Variants in MLLT10 observed in about 807,000 individuals in gnomAD.
MLLT10 encodes protein AF-10.
Under a neutral mutation model 129.1 loss-of-function variants are expected in MLLT10, and 30 were observed. The ratio of observed to expected loss-of-function variants is 0.23; its 90% CI spans 0.17 to 0.32. The LOEUF (loss-of-function observed/expected upper bound fraction) is 0.32, where lower values mean the gene tolerates loss of function less well. Ranked by LOEUF, MLLT10 falls within the 10% of genes least tolerant of loss-of-function variation. The pLI is 1.00. For synonymous variants in MLLT10, 490 were observed against 446.4 expected, an observed-to-expected ratio of 1.10 and a Z score of -1.23; for missense variants, 1,119 against 1,268.3, an observed-to-expected ratio of 0.88 and a Z score of 1.79.
At chr10:21,593,958 A>AAT in intron 4 of MLLT10, among the ~76,000 whole-genome samples, 1 of 142,816 alleles carries the variant, frequency 7.0e-6, no homozygotes, top group East Asian at 2.2e-4. Flanking sequence ...AAAAAAAAAA[A>AAT]GGTGGAAATT....
At chr10:21,680,529 TAGTG>T (rs1362297394) in intron 11 of MLLT10, among the ~76,000 whole-genome samples, 3 of 152,164 alleles carry the variant, frequency 2.0e-5, no homozygotes, top group Non-Finnish European at 2.9e-5. Flanking sequence ...TGGTTCAAGA[TAGTG>T]AGCTGAATAT....
rs2038159843 is a variant in MLLT10, at chr10:21,557,282, A to G, written c.240+18370A>G. Reference sequence around the variant, plus strand: ...GTTTATGAAATCTGTATTTGATATAACACTTTCATCATGGACACTGTCCAT... The same window carrying G: ...GTTTATGAAATCTGTATTTGATATAGCACTTTCATCATGGACACTGTCCAT... On this transcript the variant is annotated intron_variant, in intron 3 of 22. Coordinates refer to ENST00000307729, the MANE Select transcript of MLLT10 (RefSeq NM_001195626.3). 1.7e-5 allele frequency: 12 copies of G among 687,706 alleles called. No individual in the cohort carries two copies. The South Asian group carries it at 5.5e-4, about 31-fold the overall frequency. The allele number at this position is 687,706 out of a possible 1,614,324, so 42.6% of individuals were successfully genotyped here. A position where few individuals can be genotyped will look rare whatever the true frequency, so the allele number is the denominator to read the frequency against.
chr10:21,639,300 T>C (rs921643216), intron 8 of MLLT10, among the ~76,000 whole-genome samples: 1 of 152,156 alleles, frequency 6.6e-6, no homozygotes, highest in African/African-American at 2.4e-5. Context: ...CACCTGGAGA[T>C]GGCATCAGAT....
intron 14 of MLLT10, among the ~76,000 whole-genome samples, chr10:21,726,021 G>A (rs1053737458): frequency 1.3e-5 from 2 of 152,064 alleles, no homozygotes; most frequent in Non-Finnish European, 2.9e-5. Context: ...AAAGTGCTGG[G>A]ATTACAGGCG....
At chr10:21,715,914 T>TA (rs1162027138) in intron 14 of MLLT10, among the ~76,000 whole-genome samples, 1 of 152,236 alleles carries the variant, frequency 6.6e-6, no homozygotes, top group Non-Finnish European at 1.5e-5. Flanking sequence ...TGTACTGAGA[T>TA]ACCTACATCT....
At chr10:21,638,214 T>C (rs978872741) in intron 8 of MLLT10, among the ~76,000 whole-genome samples, 1 of 136,992 alleles carries the variant, frequency 7.3e-6, no homozygotes, top group Admixed American at 7.8e-5. Context: ...ATTTTGGGCT[T>C]TGTGGACCGC....
At chr10:21,604,177 A>G (rs1405240574) in intron 5 of MLLT10, among the ~76,000 whole-genome samples, 1 of 152,184 alleles carries the variant, frequency 6.6e-6, no homozygotes, top group Non-Finnish European at 1.5e-5. Context: ...ATCCATTTTG[A>G]TGTAAACTCT....
At chr10:21,586,463 T>G in intron 4 of MLLT10, 115 bp downstream of exon 4, 1 of 830,078 alleles carries the variant, frequency 1.2e-6, no homozygotes, top group Non-Finnish European at 1.9e-6. Context: ...TTCTACTCAT[T>G]TTTAACAGTG....
At chr10:21,644,492 A>C (rs2048302537) in intron 8 of MLLT10, among the ~76,000 whole-genome samples, 1 of 152,176 alleles carries the variant, frequency 6.6e-6, no homozygotes, top group Non-Finnish European at 1.5e-5. Context: ...GGCTTAGGGC[A>C]GTATGCACTT....
intron 8 of MLLT10, among the ~76,000 whole-genome samples, chr10:21,647,843 A>C (rs1365321484): frequency 6.6e-6 from 1 of 151,232 alleles, no homozygotes; most frequent in Non-Finnish European, 1.5e-5. Flanking sequence ...TTTGTTTTTT[A>C]ATTTGCATAG....
Position 21,534,317 on chromosome 10 carries a change from C to CCG in MLLT10, c.-203_-202insGC, listed in dbSNP as rs1554774991. On this transcript the variant is annotated 5_prime_UTR_variant, in exon 1 of 23. Transcript: ENST00000307729. ...CTGGCCCAGCGGGAGCCCCCCCTCC[C>CCG]CCCAGTGCGCCTGTGCGGAGGCCCT... 1.0e-5 allele frequency: 4 copies of CCG among 394,886 alleles called. No individual in the cohort carries two copies. The highest frequency in any genetic ancestry group is 4.4e-5 in the Admixed American group (1 of 22,654). 24.5% of individuals were successfully genotyped at this position (394,886 alleles called of 1,614,324 possible).
intron 8 of MLLT10, among the ~76,000 whole-genome samples, chr10:21,645,732 A>G (rs768662274): frequency 3.9e-5 from 6 of 152,204 alleles, no homozygotes; most frequent in Admixed American, 6.5e-5. Context: ...ATTTCTGTCT[A>G]TGGTTCACAG....
chr10:21,642,104 A>C lies in MLLT10; in HGVS notation c.700-9569A>C, dbSNP rs550812401. 3.8e-3 allele frequency among the ~76,000 whole-genome samples: 576 copies of C among 152,284 alleles called. 1 individual carries two copies. The highest frequency in any genetic ancestry group is 7.3e-3 in the South Asian group (35 of 4,824). On this transcript the variant is annotated intron_variant, in intron 8 of 22. Coordinates refer to ENST00000307729, the MANE Select transcript of MLLT10 (RefSeq NM_001195626.3). ...AGTGGCTCACGCCTGTAATCCCAGCACTTTGGGAGGCCGAGGCGGGCAGAT... is the reference window on the plus strand; with the variant it reads ...AGTGGCTCACGCCTGTAATCCCAGCCCTTTGGGAGGCCGAGGCGGGCAGAT...
Position 21,651,743 on chromosome 10 carries a change from C to T in MLLT10, c.770C>T (p.Pro257Leu). ...KQPEPSPALV[P>L]SLTVTTEKTY... Reference sequence around the variant, plus strand: ...CCAGAACCATCACCTGCATTGGTTCCATCCTTGACTGTTACTACAGAAAAA... The same window carrying T: ...CCAGAACCATCACCTGCATTGGTTCTATCCTTGACTGTTACTACAGAAAAA... The change falls in exon 9 of 23, where the codon CCA becomes CTA. Residue 257 changes from proline (P) to leucine (L), a missense_variant. Physicochemically the swap from Pro to Leu is moderately conservative, Grantham distance 98. This residue lies in a region of MLLT10 where 1,004 missense variants were observed against 1,008.7 expected (regional missense o/e 1.00). Transcript: ENST00000307729. The T allele has an allele frequency of 6.2e-7, 1 of 1,612,206 alleles. No individual in the cohort carries two copies. The highest frequency in any genetic ancestry group is 8.5e-7 in the Non-Finnish European group (1 of 1,178,790).
At chr10:21,740,606 C>T (rs2058748338) in intron 22 of MLLT10, among the ~76,000 whole-genome samples, 1 of 152,150 alleles carries the variant, frequency 6.6e-6, no homozygotes, top group Non-Finnish European at 1.5e-5. Context: ...GCTTTTTACA[C>T]ATTAAGTATA....
chr10:21,672,459 C>A (rs2051553567), intron 10 of MLLT10, among the ~76,000 whole-genome samples: 1 of 152,050 alleles, frequency 6.6e-6, no homozygotes, highest in African/African-American at 2.4e-5. Flanking sequence ...GCACACGTCA[C>A]CACCCCCGGC....
chr10:21,552,118 G>C (rs2037154377), intron 3 of MLLT10, among the ~76,000 whole-genome samples: 2 of 151,942 alleles, frequency 1.3e-5, no homozygotes, highest in Non-Finnish European at 1.5e-5. Flanking sequence ...GTACGGATGG[G>C]GTCTCACTAT....
chr10:21,551,114 A>G (rs1411518720), intron 3 of MLLT10, among the ~76,000 whole-genome samples: 2 of 150,766 alleles, frequency 1.3e-5, no homozygotes, highest in Admixed American at 1.3e-4. Flanking sequence ...TTTAGTAGAG[A>G]CGGGGTTTCA....
At chr10:21,719,758 T>C (rs759964805) in intron 14 of MLLT10, among the ~76,000 whole-genome samples, 3 of 152,152 alleles carry the variant, frequency 2.0e-5, no homozygotes, top group South Asian at 2.1e-4. Context: ...ACAGATACTT[T>C]ATGAGGTTCA....
Sources: allele counts gnomAD v4.1 joint callset (sites outside exome capture counted in the v4.1 genomes callset), GRCh38; gene constraint gnomAD v4.1.1; regional missense constraint gnomAD v4.1.1; transcripts MANE v1.5; gene names NCBI Gene and HGNC (gene_info 2026-07-23, HGNC 2026-07-21).